The following NALCN variants were observed in gnomAD, a reference collection of about 807,000 sequenced individuals.
The protein encoded by NALCN is sodium leak channel, non-selective.
NALCN carries 111 observed loss-of-function variants against 225.3 expected under a neutral mutation model. The ratio of observed to expected loss-of-function variants is 0.49; its 90% CI spans 0.42 to 0.58. The LOEUF (loss-of-function observed/expected upper bound fraction) is 0.58. Ranked by LOEUF, NALCN falls within the 20% of genes least tolerant of loss-of-function variation. NALCN has a pLI of 0.00. For synonymous variants in NALCN, 764 were observed against 769.0 expected (o/e 0.99, Z 0.11); for missense variants, 1,378 against 2,202.4 (o/e 0.63, Z 7.49).
At chr13:101,142,994 T>G (rs949260224) in intron 17 of NALCN, 86 bp downstream of exon 17, 8 of 1,497,984 alleles carry the variant, frequency 5.3e-6, no homozygotes, top group Non-Finnish European at 7.4e-6. Context: ...AGAAATTGGA[T>G]TCCAGGACCC....
intron 7 of NALCN, among the ~76,000 whole-genome samples, chr13:101,313,474 A>G: frequency 6.6e-6 from 1 of 152,198 alleles, no homozygotes; most frequent in East Asian, 1.9e-4. Flanking sequence ...ACAAATTTAC[A>G]AGAAAAAAAC....
chr13:101,160,461 C>G (rs1456474486), intron 15 of NALCN, among the ~76,000 whole-genome samples: 1 of 152,088 alleles, frequency 6.6e-6, no homozygotes, highest in East Asian at 1.9e-4. Flanking sequence ...TCCCTCAGGA[C>G]CCTACAATGG....
intron 13 of NALCN, among the ~76,000 whole-genome samples, chr13:101,225,932 C>T (rs2041124302): frequency 6.6e-6 from 1 of 152,014 alleles, no homozygotes; most frequent in Non-Finnish European, 1.5e-5. Context: ...CTCACAATTA[C>T]CTAAAAACAT....
At chr13:101,111,565 G>T (rs2139649162) in intron 18 of NALCN, among the ~76,000 whole-genome samples, 1 of 152,232 alleles carries the variant, frequency 6.6e-6, no homozygotes, top group South Asian at 2.1e-4. Flanking sequence ...CAGTGATATG[G>T]TTTGGCTTTG....
At chr13:101,313,626 C>T (rs1172431067) in intron 7 of NALCN, among the ~76,000 whole-genome samples, 1 of 152,018 alleles carries the variant, frequency 6.6e-6, no homozygotes, top group African/African-American at 2.4e-5. Flanking sequence ...CAATGAGATA[C>T]CATCTCACAC....
intron 17 of NALCN, among the ~76,000 whole-genome samples, chr13:101,142,328 G>C (rs1192867918): frequency 1.3e-5 from 2 of 151,798 alleles, no homozygotes; most frequent in Non-Finnish European, 2.9e-5. Flanking sequence ...TTTTAGTAGA[G>C]ATGGGGTTAC....
chr13:101,103,402 G>A lies in NALCN; in HGVS notation c.2890-63C>T, dbSNP rs2034931694. The A allele has an allele frequency of 1.2e-5, 19 of 1,524,406 alleles. No individual in the cohort carries two copies. The South Asian group carries it at 1.9e-4, about 15-fold the overall frequency. 94.4% of individuals were successfully genotyped at this position (1,524,406 alleles called of 1,614,324 possible). On this transcript the variant is annotated intron_variant, in intron 25 of 43. Coordinates refer to ENST00000251127, the MANE Select transcript of NALCN (RefSeq NM_052867.4). ...TCATCCCCTACTATTTACATTTTCT[G>A]ACAGCCGACTGGCCACAACTTTTCA... is the stretch of plus-strand genomic sequence containing the variant.
At chr13:101,360,113 TTTC>T (rs1172709564) in intron 6 of NALCN, among the ~76,000 whole-genome samples, 1 of 121,656 alleles carries the variant, frequency 8.2e-6, no homozygotes, top group Non-Finnish European at 1.7e-5. Flanking sequence ...TCTTTCTCTT[TTTC>T]TTTCCTTTCT....
chr13:101,240,336 T>C (rs2041712225), intron 11 of NALCN, among the ~76,000 whole-genome samples: 1 of 151,858 alleles, frequency 6.6e-6, no homozygotes, highest in South Asian at 2.1e-4. Flanking sequence ...ATCCTATCTT[T>C]CTTTCTCTCT....
At chr13:101,365,973 T>C (rs1029068360) in intron 6 of NALCN, among the ~76,000 whole-genome samples, 14 of 152,218 alleles carry the variant, frequency 9.2e-5, no homozygotes, top group African/African-American at 3.4e-4. Flanking sequence ...TATGAATATG[T>C]TTCCCTTCTT....
chr13:101,094,032 C>A (rs566231203), intron 28 of NALCN, among the ~76,000 whole-genome samples: 19 of 152,298 alleles, frequency 1.2e-4, no homozygotes, highest in South Asian at 1.0e-3. Flanking sequence ...GAGTTTGAAC[C>A]CCCTCTCCAG....
Position 101,292,632 on chromosome 13 carries a change from T to C in NALCN, c.800-266A>G, listed in dbSNP as rs1390247119. On this transcript the variant is annotated intron_variant, in intron 7 of 43. Coordinates refer to ENST00000251127, the MANE Select transcript of NALCN (RefSeq NM_052867.4). This position sits in a 1 kb window ranked among gnomAD's most constrained non-coding sequence, Gnocchi z 4.3. ...TTTAGCTGTTAAATGCAAATAATAATGTGGAAAAGGAAATAAACAGTCAAA... is the reference window on the plus strand; with the variant it reads ...TTTAGCTGTTAAATGCAAATAATAACGTGGAAAAGGAAATAAACAGTCAAA... 6.6e-6 allele frequency among the ~76,000 whole-genome samples: 1 copy of C among 152,024 alleles called. No individual in the cohort carries two copies. Among genetic ancestry groups the C allele is most frequent in the Non-Finnish European group, 1.5e-5 (1 of 68,000 alleles).
At position 101,161,055 on chromosome 13, in the gene NALCN, C is replaced by G. The variant is rs532600346; in HGVS notation, c.1839+15245G>C. ...ATTTTTTCTTCCCACCCTATACAAT[C>G]TCATCCAGATTTACACCTTCCAGTA... On this transcript the variant is annotated intron_variant, in intron 15 of 43. Transcript: ENST00000251127. Among the ~76,000 whole-genome samples, 68 of 152,324 alleles carry G rather than the reference C, an allele frequency of 4.5e-4. 1 individual carries two copies. The highest frequency in any genetic ancestry group is 1.6e-3 in the African/African-American group (68 of 41,564).
chr13:101,218,906 T>C (rs1349425460), intron 13 of NALCN, among the ~76,000 whole-genome samples: 2 of 152,134 alleles, frequency 1.3e-5, no homozygotes, highest in Non-Finnish European at 2.9e-5. Context: ...TATTTCTTTA[T>C]AGCAATGTGA....
chr13:101,059,939 T>C lies in NALCN; in HGVS notation c.4784A>G (p.His1595Arg). Residue 1595 changes from histidine to arginine, a missense_variant, in exon 42 of 44, where the codon CAC becomes CGC. By Grantham distance (29) the His-to-Arg change is conservative. Around this residue, in one of 19 missense-constraint regions of NALCN, gnomAD observed 94 missense variants for 170.3 expected, o/e 0.55. Transcript: ENST00000251127. ...AKQQQSCSII[H>R]SLRESQQQEL... ...TTGCTGCTGACTCTCTCTCAGGCTG[T>C]GGATGATACTGCACGACTGCTGCTG... 1.2e-6 allele frequency: 2 copies of C among 1,614,006 alleles called. No homozygotes were observed. Among genetic ancestry groups the C allele is most frequent in the African/African-American group, 1.3e-5 (1 of 74,994 alleles).
chr13:101,188,645 C>T (rs1441020491), intron 14 of NALCN, among the ~76,000 whole-genome samples: 2 of 143,632 alleles, frequency 1.4e-5, no homozygotes, highest in East Asian at 2.0e-4. Context: ...CACATATATA[C>T]ACACACACAC....
intron 28 of NALCN, among the ~76,000 whole-genome samples, chr13:101,095,254 A>C (rs923349481): frequency 5.3e-5 from 8 of 152,166 alleles, no homozygotes; most frequent in Admixed American, 1.3e-4. Context: ...GTTTAGTTTT[A>C]ATTTGACAGA....
intron 13 of NALCN, among the ~76,000 whole-genome samples, chr13:101,202,975 C>T (rs2040182576): frequency 1.3e-5 from 2 of 152,158 alleles, no homozygotes; most frequent in African/African-American, 4.8e-5. Flanking sequence ...TCTAAGTCAC[C>T]GACTTACTTA....
At chr13:101,164,023 T>C (rs2038319828) in intron 15 of NALCN, among the ~76,000 whole-genome samples, 2 of 152,078 alleles carry the variant, frequency 1.3e-5, no homozygotes, top group African/African-American at 4.8e-5. Context: ...CTGTGTCTCT[T>C]CTCTTTTTAT....
Sources: gnomAD v4.1 joint callset for allele counts (sites outside exome capture counted in the v4.1 genomes callset) on GRCh38, gnomAD v4.1.1 for gene constraint, gnomAD v4.1.1 regional missense constraint, Gnocchi (gnomAD v3.1) non-coding constraint, MANE v1.5 for transcripts, NCBI Gene and HGNC (gene_info 2026-07-23, HGNC 2026-07-21) for gene names.